TBRG4: variants seen among roughly 807,000 people sequenced by gnomAD.
TBRG4 encodes the protein transforming growth factor beta regulator 4.
In TBRG4, 43 loss-of-function variants were observed where a neutral mutation model predicts 65.6. The ratio of observed to expected loss-of-function variants is 0.66; its 90% CI spans 0.51 to 0.85. TBRG4 has a LOEUF of 0.85. Among genes scored for constraint, TBRG4 ranks in the 40% least tolerant of loss-of-function variants. TBRG4 has a pLI of 0.00. For synonymous variants in TBRG4, 366 were observed against 341.4 expected (o/e 1.07, Z -0.79); for missense variants, 709 against 787.9 (o/e 0.90, Z 1.20).
rs761266615 is a variant in TBRG4 at position 45,101,450 on chromosome 7, T to C, written c.1679+53A>G. ...GGGGAAAGATGGAAAGCAAAGAATA[T>C]GCAGTCCAACAGCCATGGTGCCCCC... On this transcript the variant is annotated intron_variant, in intron 9 of 10. Transcript: ENST00000258770. 2.1e-5 allele frequency: 33 copies of C among 1,604,308 alleles called. No homozygotes were observed. In the East Asian group the frequency reaches 7.4e-4, roughly 36 times the overall value.
At chr7:45,101,110 A>G in intron 10 of TBRG4, 148 bp downstream of exon 10, 1 of 687,554 alleles carries the variant, frequency 1.5e-6, no homozygotes, top group Non-Finnish European at 2.4e-6. Context: ...GATCCACAGT[A>G]AACTCCCTCC....
At chr7:45,104,513 C>T (rs1163455978) in intron 4 of TBRG4, 25 bp downstream of exon 4, 1 of 1,613,690 alleles carries the variant, frequency 6.2e-7, no homozygotes. Context: ...TCCCCTCTCT[C>T]CACCGTTCTG....
chr7:45,103,442 T>C lies in TBRG4; in HGVS notation c.1067A>G (p.His356Arg), dbSNP rs1278959311. 3.1e-6 allele frequency: 5 copies of C among 1,611,936 alleles called. No homozygotes were observed. Among genetic ancestry groups the C allele is most frequent in the Non-Finnish European group, 3.4e-6 (4 of 1,178,856 alleles). ...GATGTCCTGCGCTCTGTTCAGGACGTGCTGGGTGGGTCAGAAATAGCAGAG... is the reference window on the plus strand; with the variant it reads ...GATGTCCTGCGCTCTGTTCAGGACGCGCTGGGTGGGTCAGAAATAGCAGAG... ...SLPLFEAFAQ[H>R]VLNRAQDITL... Residue 356 changes from histidine to arginine, a missense_variant and splice_region_variant, in exon 6 of 11, where the codon CAC (histidine) becomes CGC (arginine). By Grantham distance (29) the His-to-Arg change is conservative. Transcript: ENST00000258770.
rs111825120 is a variant in TBRG4 at position 45,102,068 on chromosome 7, C to T, written c.1324G>A (p.Gly442Ser). The T allele has an allele frequency of 5.5e-4, 865 of 1,568,522 alleles. 10 individuals are homozygous for T. In the African/African-American group the frequency reaches 0.011, roughly 19 times the overall value. Residue 442 changes from glycine to serine, a missense_variant and splice_region_variant, in exon 8 of 11, where the codon GGC becomes AGC. Gly to Ser is a moderately conservative substitution (Grantham distance 56). Coordinates refer to ENST00000258770, the MANE Select transcript of TBRG4 (RefSeq NM_004749.4). ...HPEFHIQFLG[G>S]KSQKDQNTFQ... ...GTGTTCTGATCCTTCTGAGACTTGC[C>T]CCCTAGGAGACAAGGAGAAAGAAGA... is the stretch of plus-strand genomic sequence containing the variant.
Position 45,102,400 on chromosome 7 carries a change from C to G in TBRG4, c.1268G>C (p.Arg423Pro). The G allele has an allele frequency of 6.2e-7, 1 of 1,614,032 alleles. No individual in the cohort carries two copies. The highest frequency in any genetic ancestry group is 8.5e-7 in the Non-Finnish European group (1 of 1,180,022). The change falls in exon 7 of 11, where the codon CGG becomes CCG. Residue 423 changes from arginine (R) to proline (P), a missense_variant. Physicochemically the swap from Arg to Pro is moderately radical, Grantham distance 103. Transcript: ENST00000258770. Reference protein sequence around the residue: ...VWALCVLQQAREAELQAVLHP... With the variant: ...VWALCVLQQAPEAELQAVLHP... ...GAGGACGGCTTGCAGCTCTGCTTCC[C>G]GTGCCTGCTGCAGCACACACAGGGC... is the stretch of plus-strand genomic sequence containing the variant.
In TBRG4 at chr7:45,103,441, G is replaced by C. The variant is rs139263268; in HGVS notation, c.1068C>G (p.His356Gln). Residue 356 changes from histidine to glutamine, a missense_variant and splice_region_variant, in exon 6 of 11, where the codon CAC (histidine) becomes CAG (glutamine). Physicochemically the swap from His to Gln is conservative, Grantham distance 24. Coordinates refer to ENST00000258770, the MANE Select transcript of TBRG4 (RefSeq NM_004749.4). ...SLPLFEAFAQHVLNRAQDITL... is the reference protein window; with the variant it reads ...SLPLFEAFAQQVLNRAQDITL... ...TGATGTCCTGCGCTCTGTTCAGGAC[G>C]TGCTGGGTGGGTCAGAAATAGCAGA... 6.2e-7 allele frequency: 1 copy of C among 1,611,376 alleles called. No individual in the cohort carries two copies. Among genetic ancestry groups the C allele is most frequent in the Non-Finnish European group, 8.5e-7 (1 of 1,178,414 alleles).
At chr7:45,111,546 C>T (rs1292950415) in intron 1 of TBRG4, 97 bp downstream of exon 1, 1 of 1,257,974 alleles carries the variant, frequency 7.9e-7, no homozygotes, top group African/African-American at 1.5e-5. Context: ...GCCTGCTCCC[C>T]AGTTCCACCG....
intron 3 of TBRG4, chr7:45,104,986 C>T (rs1286358684): frequency 1.3e-6 from 1 of 750,288 alleles, no homozygotes; most frequent in Non-Finnish European, 2.4e-6. Context: ...GCTGTGGCAG[C>T]CATCTGGGCC....
intron 2 of TBRG4, among the ~76,000 whole-genome samples, chr7:45,108,010 T>G (rs1785013674): frequency 6.6e-6 from 1 of 152,238 alleles, no homozygotes; most frequent in African/African-American, 2.4e-5. Context: ...TCTGGTATTT[T>G]TTATACTACT....
rs373330133 is a variant in TBRG4 at position 45,104,725 on chromosome 7, G to A, written c.736-16C>T. On this transcript the variant is annotated splice_polypyrimidine_tract_variant and intron_variant, in intron 3 of 10. Transcript: ENST00000258770. ...ACTCCAGGCACTGTCAACCACAGCC[G>A]CGCAGAGGTCAGCTCAATGGCCTGG... The A allele has an allele frequency of 3.8e-5, 62 of 1,611,746 alleles. No homozygotes were observed. The highest frequency in any genetic ancestry group is 3.1e-4 in the East Asian group (14 of 44,848).
At chr7:45,108,794 G>A in intron 2 of TBRG4, 33 bp downstream of exon 2, 1 of 1,495,066 alleles carries the variant, frequency 6.7e-7, no homozygotes. Flanking sequence ...TTTTCCTCTT[G>A]TCTATGCTCT....
Position 45,108,829 on chromosome 7 carries a change from G to A in TBRG4, c.409C>T (p.Gln137Ter). The A allele has an allele frequency of 6.5e-7, 1 of 1,529,380 alleles. No homozygotes were observed. The highest frequency in any genetic ancestry group is 8.8e-7 in the Non-Finnish European group (1 of 1,141,378). The allele number at this position is 1,529,380 out of a possible 1,614,324, so 94.7% of individuals were successfully genotyped here. ...FHQLLCLLNSQIASVWHGTLS... is the reference protein window; with the variant it reads ...FHQLLCLLNS ...TCAGACCACACTCCGGCACCCACCT[G>A]ACTGTTGAGCAGACAGAGAAGTTGA... The change falls in exon 2 of 11, where the codon CAG (glutamine) becomes TAG (stop). Residue 137 changes from glutamine (Q) to a stop codon, truncating the protein, a stop_gained and splice_region_variant. Coordinates refer to ENST00000258770, the MANE Select transcript of TBRG4 (RefSeq NM_004749.4). LOFTEE classifies it high-confidence loss of function.
At chr7:45,103,084 T>TA (rs775311752) in intron 6 of TBRG4, 124 of 543,358 alleles carry the variant, frequency 2.3e-4, no homozygotes, top group Admixed American at 3.7e-4. Flanking sequence ...AACAGGGCAT[T>TA]AAAAGGAGCA....
rs11541067 is a variant in TBRG4, at chr7:45,102,010, G to A, written c.1382C>T (p.Ala461Val). ...FQKLLHINATALLEYPEYSGP... is the reference protein window; with the variant it reads ...FQKLLHINATVLLEYPEYSGP... The stretch of plus-strand genomic sequence containing the variant: ...CGAGTACTCGGGGTACTCCAGCAGG[G>A]CAGTGGCGTTGATGTGGAGCAGCTT... Residue 461 changes from alanine to valine, a missense_variant, in exon 8 of 11, where the codon GCC becomes GTC. Coordinates refer to ENST00000258770, the MANE Select transcript of TBRG4 (RefSeq NM_004749.4). The A allele has an allele frequency of 6.4e-7, 1 of 1,568,802 alleles. No individual in the cohort carries two copies. Among genetic ancestry groups the A allele is most frequent in the Non-Finnish European group, 8.6e-7 (1 of 1,161,514 alleles).
intron 2 of TBRG4, 94 bp from the exon 3 acceptor site, chr7:45,105,858 T>C: frequency 1.5e-6 from 2 of 1,364,360 alleles, no homozygotes; most frequent in South Asian, 1.3e-5. Flanking sequence ...TTCATGAGCA[T>C]TTACTACAAC....
chr7:45,104,240 G>A lies in TBRG4; in HGVS notation c.924C>T (p.His308=). The change falls in exon 5 of 11, where the codon CAC becomes CAT. Residue 308 remains histidine (H), a synonymous_variant. Transcript: ENST00000258770. ...CCAGGCGCTGGGACACCTGGGTCTG[G>A]TGAAAGCTGAGTTTGCCTTCAGGAC... is the stretch of plus-strand genomic sequence containing the variant. ...VAYAYGKLSF[H]QTQVSQRLAT... 2 of 1,614,010 alleles carry A rather than the reference G, an allele frequency of 1.2e-6. No homozygotes were observed. The highest frequency in any genetic ancestry group is 1.7e-6 in the Non-Finnish European group (2 of 1,179,966).
Position 45,106,376 on chromosome 7 carries a change from G to T in TBRG4, c.412-612C>A, listed in dbSNP as rs113885365. On this transcript the variant is annotated intron_variant, in intron 2 of 10. Coordinates refer to ENST00000258770, the MANE Select transcript of TBRG4 (RefSeq NM_004749.4). ...GGTAGTGGGCACGTAGACTTCAGCT[G>T]CAAGTAAAGCTGTCAAATCAATACA... 1.3e-4 allele frequency: 22 copies of T among 175,150 alleles called. No homozygotes were observed. The East Asian group carries it at 2.6e-3, about 21-fold the overall frequency. 10.8% of individuals were successfully genotyped at this position (175,150 alleles called of 1,614,324 possible). A position where few individuals can be genotyped will look rare whatever the true frequency, so the allele number is the denominator to read the frequency against.
chr7:45,103,364 T>C lies in TBRG4; in HGVS notation c.1145A>G (p.His382Arg). 4 of 1,613,880 alleles carry C rather than the reference T, an allele frequency of 2.5e-6. No individual in the cohort carries two copies. Among genetic ancestry groups the C allele is most frequent in the Non-Finnish European group, 3.4e-6 (4 of 1,179,878 alleles). Residue 382 changes from histidine (H) to arginine (R), a missense_variant, in exon 6 of 11, where the codon CAT becomes CGT. Physicochemically the swap from His to Arg is conservative, Grantham distance 29. Coordinates refer to ENST00000258770, the MANE Select transcript of TBRG4 (RefSeq NM_004749.4). ...VLLAFARLNF[H>R]PDQEDQFFSL... is the part of the protein sequence containing the mutation. ...GAAGAACTGATCCTCTTGGTCTGGA[T>C]GGAAGTTCAGACGCGCAAAAGCCAG...
chr7:45,105,837 C>T, intron 2 of TBRG4, 73 bp from the exon 3 acceptor site: 2 of 1,500,926 alleles, frequency 1.3e-6, no homozygotes, highest in African/African-American at 1.4e-5. Flanking sequence ...GGCTACCTCT[C>T]TGAACCTTGT....
Sources: allele counts gnomAD v4.1 joint callset (sites outside exome capture counted in the v4.1 genomes callset), GRCh38; gene constraint gnomAD v4.1.1; transcripts MANE v1.5; gene names NCBI Gene and HGNC (gene_info 2026-07-23, HGNC 2026-07-21).